The following SLC26A8 variants were observed in gnomAD, a reference collection of about 807,000 sequenced individuals.
SLC26A8 encodes the protein testis anion transporter 1.
Under a neutral mutation model 105.0 loss-of-function variants are expected in SLC26A8, and 70 were observed. That is an observed-to-expected ratio of 0.67 (90% confidence interval 0.55 to 0.81). The LOEUF is 0.81. Among genes scored for constraint, SLC26A8 ranks in the 40% least tolerant of loss-of-function variants. SLC26A8 has a pLI of 0.00. For synonymous variants in SLC26A8, 415 were observed against 438.3 expected, an observed-to-expected ratio of 0.95 and a Z score of 0.66; for missense variants, 998 against 1,181.8, an observed-to-expected ratio of 0.84 and a Z score of 2.28.
In SLC26A8 at chr6:35,955,462, A is replaced by G. The variant is rs1224367940; in HGVS notation, c.1922T>C (p.Leu641Pro). Residue 641 changes from leucine (L) to proline (P), a missense_variant, in exon 17 of 20, where the codon CTG becomes CCG. By Grantham distance (98) the Leu-to-Pro change is moderately conservative. Transcript: ENST00000490799. The part of the protein sequence containing the change: ...KLDPEASSIN[L>P]IHCSHFESMN... ...GCTCTCAAAATGTGAGCAGTGAATC[A>G]GGTTAATGGAGGATGCTTCGGGATC... The G allele has an allele frequency of 6.2e-7, 1 of 1,614,164 alleles. No individual in the cohort carries two copies. Among genetic ancestry groups the G allele is most frequent in the African/African-American group, 1.3e-5 (1 of 75,042 alleles).
intron 19 of SLC26A8, among the ~76,000 whole-genome samples, chr6:35,950,344 C>T (rs1472348976): frequency 6.6e-6 from 1 of 151,066 alleles, no homozygotes; most frequent in Non-Finnish European, 1.5e-5. Context: ...GGCTGGAGTG[C>T]AGTGGCGTGA....
In SLC26A8 at chr6:36,000,028, A is replaced by G; in HGVS notation, c.409T>C (p.Tyr137His). 6.2e-7 allele frequency: 1 copy of G among 1,614,078 alleles called. No individual in the cohort carries two copies. The highest frequency in any genetic ancestry group is 8.5e-7 in the Non-Finnish European group (1 of 1,179,952). Residue 137 changes from tyrosine (Y) to histidine (H), a missense_variant, in exon 4 of 20, where the codon TAT (tyrosine) becomes CAT (histidine). Coordinates refer to ENST00000490799, the MANE Select transcript of SLC26A8 (RefSeq NM_052961.4). ...TGATGACACGATCCAAAAATTACAT[A>G]GATTACCGAAGAACAGAAAGCTGCA... ...AYAAFCSSVI[Y>H]VIFGSCHQMS... is the part of the protein sequence containing the mutation.
At chr6:35,962,462 T>A (rs1772344770) in intron 12 of SLC26A8, 64 bp downstream of exon 12, 2 of 1,329,372 alleles carry the variant, frequency 1.5e-6, no homozygotes, top group Admixed American at 1.7e-5. Context: ...TTTTGTTTGT[T>A]CTTTCTCCCT....
intron 11 of SLC26A8, among the ~76,000 whole-genome samples, chr6:35,964,857 C>T (rs1772444122): frequency 6.6e-6 from 1 of 151,372 alleles, no homozygotes; most frequent in Non-Finnish European, 1.5e-5. Context: ...ATCCCAGCTA[C>T]TCAGGAGGCT....
chr6:35,964,373 G>A (rs1233031714), intron 11 of SLC26A8, among the ~76,000 whole-genome samples: 2 of 152,096 alleles, frequency 1.3e-5, no homozygotes, highest in African/African-American at 2.4e-5. Flanking sequence ...TTGGCCAGAC[G>A]CAGTGGCTCA....
Position 35,944,359 on chromosome 6 carries a change from G to T in SLC26A8, c.2473-19C>A. The T allele has an allele frequency of 6.4e-7, 1 of 1,551,376 alleles. No homozygotes were observed. Among genetic ancestry groups the T allele is most frequent in the Non-Finnish European group, 8.9e-7 (1 of 1,127,914 alleles). ...TGTCATTCTGAAATACAATTAGGTG[G>T]GTTAAAATTTCTAATTAAATTTAAC... On this transcript the variant is annotated intron_variant, in intron 19 of 19. Transcript: ENST00000490799.
rs193157588 is a variant in SLC26A8 at position 35,972,979 on chromosome 6, A to G, written c.1287+2396T>C. Among the ~76,000 whole-genome samples the G allele has an allele frequency of 3.2e-3, 481 of 152,056 alleles. 2 individuals carry two copies. Among genetic ancestry groups the G allele is most frequent in the African/African-American group, 0.011 (441 of 41,446 alleles). ...AACTGAAGCCCTTCTTCCTCCTTCCATCTACACATACCCTAAACCCTTTCA... is the reference window on the plus strand; with the variant it reads ...AACTGAAGCCCTTCTTCCTCCTTCCGTCTACACATACCCTAAACCCTTTCA... On this transcript the variant is annotated intron_variant, in intron 10 of 19. Transcript: ENST00000490799.
intron 8 of SLC26A8, 54 bp from the exon 9 acceptor site, chr6:35,977,405 C>A: frequency 6.4e-7 from 1 of 1,550,608 alleles, no homozygotes; most frequent in Non-Finnish European, 8.7e-7. Context: ...TTCTTGGTAC[C>A]TCCGCCACTC....
At chr6:35,999,637 G>A in intron 4 of SLC26A8, among the ~76,000 whole-genome samples, 1 of 152,194 alleles carries the variant, frequency 6.6e-6, no homozygotes, top group East Asian at 1.9e-4. Context: ...ATGGAGTTTG[G>A]TTATTATGGT....
chr6:35,979,549 T>C (rs1469600438), intron 8 of SLC26A8, among the ~76,000 whole-genome samples: 2 of 152,186 alleles, frequency 1.3e-5, no homozygotes, highest in African/African-American at 4.8e-5. Context: ...AGTAGAAGCA[T>C]AACTGAATGC....
At position 35,980,690 on chromosome 6, in the gene SLC26A8, G is replaced by A. The variant is rs184339765; in HGVS notation, c.1025+1431C>T. On this transcript the variant is annotated intron_variant, in intron 8 of 19. Coordinates refer to ENST00000490799, the MANE Select transcript of SLC26A8 (RefSeq NM_052961.4). The stretch of plus-strand genomic sequence containing the variant: ...TTTCATTGAGAACTGGGTAGGTTAT[G>A]AGACTAGTTCAAACTGATTGTGTCA... 2.0e-3 allele frequency among the ~76,000 whole-genome samples: 298 copies of A among 152,210 alleles called. 3 individuals are homozygous for A. The highest frequency in any genetic ancestry group is 0.017 in the South Asian group (82 of 4,812).
chr6:35,976,632 C>T (rs1180410394), intron 9 of SLC26A8, among the ~76,000 whole-genome samples: 1 of 150,054 alleles, frequency 6.7e-6, no homozygotes, highest in African/African-American at 2.5e-5. Context: ...GTTCCGCCTC[C>T]CGGGTTCACG....
intron 5 of SLC26A8, among the ~76,000 whole-genome samples, chr6:35,997,001 C>G (rs1761373291): frequency 1.3e-5 from 2 of 151,358 alleles, no homozygotes; most frequent in African/African-American, 4.9e-5. Context: ...TCCCATTGCA[C>G]TACAGCCTGG....
intron 3 of SLC26A8, among the ~76,000 whole-genome samples, chr6:36,010,306 C>T (rs997289323): frequency 4.6e-5 from 7 of 152,086 alleles, no homozygotes; most frequent in Non-Finnish European, 1.0e-4. Context: ...CTCAAAGGCA[C>T]AATGCATAAT....
At chr6:35,978,346 T>C (rs1002153477) in intron 8 of SLC26A8, among the ~76,000 whole-genome samples, 2 of 152,064 alleles carry the variant, frequency 1.3e-5, no homozygotes, top group African/African-American at 4.8e-5. Context: ...AAAATCTTGA[T>C]GATTTGGGGA....
At chr6:35,982,328 T>C (rs751834263) in intron 7 of SLC26A8, 125 bp from the exon 8 acceptor site, 32 of 813,802 alleles carry the variant, frequency 3.9e-5, no homozygotes, top group Admixed American at 1.5e-4. Context: ...GCAGTCCCTA[T>C]GCATGCAAGT....
chr6:35,959,826 G>A lies in SLC26A8; in HGVS notation c.1639-20C>T, dbSNP rs777272755. ...GATGATCTGCAAGACAAAATGTGAA[G>A]TTGAGGGAAATTTCTCAGTTATTTT... is the stretch of plus-strand genomic sequence containing the variant. On this transcript the variant is annotated intron_variant, in intron 14 of 19. Transcript: ENST00000490799. The A allele has an allele frequency of 5.1e-6, 8 of 1,572,988 alleles. No individual in the cohort carries two copies. The South Asian group carries it at 9.1e-5, about 18-fold the overall frequency.
At chr6:35,992,798 T>G in intron 5 of SLC26A8, 124 bp from the exon 6 acceptor site, 7 of 947,786 alleles carry the variant, frequency 7.4e-6, no homozygotes, top group East Asian at 2.6e-5. Flanking sequence ...TTGGTAACTC[T>G]TGTAACTCTC....
At chr6:36,022,891 C>G (rs1762160584) in intron 1 of SLC26A8, among the ~76,000 whole-genome samples, 1 of 150,710 alleles carries the variant, frequency 6.6e-6, no homozygotes, top group African/African-American at 2.4e-5. Flanking sequence ...CCCCACTTAG[C>G]AAGACCTACT....
Sources: gnomAD v4.1 joint callset for allele counts (sites outside exome capture counted in the v4.1 genomes callset) on GRCh38, gnomAD v4.1.1 for gene constraint, MANE v1.5 for transcripts, NCBI Gene and HGNC (gene_info 2026-07-23, HGNC 2026-07-21) for gene names.